The following ADAM22 variants were observed in gnomAD, a reference collection of about 807,000 sequenced individuals.
The protein encoded by ADAM22 is disintegrin and metalloproteinase domain-containing protein 22.
A neutral mutation model predicts 144.6 loss-of-function variants in ADAM22; 65 were observed. The ratio of observed to expected loss-of-function variants is 0.45; its 90% confidence interval spans 0.37 to 0.55. The LOEUF is 0.55. Among genes scored for constraint, ADAM22 ranks in the 20% least tolerant of loss-of-function variants. ADAM22 has a pLI of 0.00. For synonymous variants in ADAM22, 391 were observed against 412.6 expected (o/e 0.95, Z 0.63); for missense variants, 974 against 1,184.9 (o/e 0.82, Z 2.61).
At chr7:87,936,317 A>G (rs1197562788) in intron 2 of ADAM22, among the ~76,000 whole-genome samples, 1 of 152,122 alleles carries the variant, frequency 6.6e-6, no homozygotes, top group Admixed American at 6.5e-5. Flanking sequence ...GCTTTTAATG[A>G]TGGATTCTTT....
intron 14 of ADAM22, 82 bp from the exon 15 acceptor site, chr7:88,142,944 A>C (rs1316864106): frequency 1.2e-6 from 1 of 814,502 alleles, no homozygotes; most frequent in Admixed American, 2.1e-5. Context: ...AGTAATATAC[A>C]ATTTTAAGTC....
intron 4 of ADAM22, among the ~76,000 whole-genome samples, chr7:88,088,864 A>T (rs948569851): frequency 6.6e-6 from 1 of 152,228 alleles, no homozygotes; most frequent in African/African-American, 2.4e-5. Context: ...TCCTTTTGTA[A>T]GTGAAATATA....
chr7:88,139,118 G>T (rs1039645161), intron 14 of ADAM22, among the ~76,000 whole-genome samples: 3 of 152,138 alleles, frequency 2.0e-5, no homozygotes, highest in Non-Finnish European at 2.9e-5. Context: ...TGACCAGTAG[G>T]ATAAAGAGGG....
chr7:87,935,486 G>A (rs1841029066), intron 2 of ADAM22, among the ~76,000 whole-genome samples: 1 of 152,194 alleles, frequency 6.6e-6, no homozygotes, highest in Non-Finnish European at 1.5e-5. Flanking sequence ...GCAAAAGCCA[G>A]GCATGCACAG....
intron 3 of ADAM22, among the ~76,000 whole-genome samples, chr7:88,056,504 C>T (rs1808295207): frequency 6.6e-6 from 1 of 152,118 alleles, no homozygotes; most frequent in African/African-American, 2.4e-5. Context: ...AATGAAGACA[C>T]TGTTTTTCCT....
Position 88,055,876 on chromosome 7 carries a change from A to G in ADAM22, c.324-19750A>G, listed in dbSNP as rs188222755. Among the ~76,000 whole-genome samples the G allele has an allele frequency of 2.8e-3, 423 of 152,208 alleles. 6 individuals are homozygous for G. Among genetic ancestry groups the G allele is most frequent in the African/African-American group, 9.6e-3 (400 of 41,526 alleles). On this transcript the variant is annotated intron_variant, in intron 3 of 31. Transcript: ENST00000413139. ...ACATCTTTTGGCTATCTCTCCTTGAACTGTGGTAACCAAGTTTTCTTATCT... is the reference window on the plus strand; with the variant it reads ...ACATCTTTTGGCTATCTCTCCTTGAGCTGTGGTAACCAAGTTTTCTTATCT...
At chr7:87,955,976 CG>C (rs1159473249) in intron 2 of ADAM22, among the ~76,000 whole-genome samples, 1 of 152,196 alleles carries the variant, frequency 6.6e-6, no homozygotes, top group African/African-American at 2.4e-5. Context: ...CTAAGCCCAT[CG>C]GAAAAGCGCA....
chr7:88,124,125 G>A (rs1829892867), intron 7 of ADAM22, among the ~76,000 whole-genome samples: 1 of 151,686 alleles, frequency 6.6e-6, no homozygotes, highest in Non-Finnish European at 1.5e-5. Flanking sequence ...TGCCAACTTA[G>A]TTAAATTGGT....
At chr7:88,153,198 T>C (rs375949659) in intron 20 of ADAM22, 23 bp from the exon 21 acceptor site, 1 of 1,582,390 alleles carries the variant, frequency 6.3e-7, no homozygotes, top group Non-Finnish European at 8.6e-7. Context: ...CCCTCACTGA[T>C]AGAAAATTTT....
chr7:88,060,027 T>TAC (rs1809351184), intron 3 of ADAM22, among the ~76,000 whole-genome samples: 1 of 152,204 alleles, frequency 6.6e-6, no homozygotes, highest in Non-Finnish European at 1.5e-5. Context: ...ATACTGTGTT[T>TAC]ACACTATATT....
chr7:88,160,812 G>A (rs1841396367), intron 22 of ADAM22, among the ~76,000 whole-genome samples: 1 of 152,110 alleles, frequency 6.6e-6, no homozygotes, highest in Admixed American at 6.6e-5. Context: ...CATGTCCTTT[G>A]TAGGGACATG....
intron 3 of ADAM22, among the ~76,000 whole-genome samples, chr7:88,001,145 A>G (rs948147178): frequency 6.6e-6 from 1 of 152,242 alleles, no homozygotes; most frequent in Admixed American, 6.5e-5. Flanking sequence ...GGAAAATAGT[A>G]TACAGGTTAA....
chr7:88,007,111 G>GACAA (rs1794100963), intron 3 of ADAM22, among the ~76,000 whole-genome samples: 1 of 151,570 alleles, frequency 6.6e-6, no homozygotes, highest in Non-Finnish European at 1.5e-5. Flanking sequence ...ACCAATAACA[G>GACAA]ACAGAGAGTG....
At chr7:88,070,636 G>A (rs1009536973) in intron 3 of ADAM22, among the ~76,000 whole-genome samples, 4 of 152,160 alleles carry the variant, frequency 2.6e-5, no homozygotes, top group Admixed American at 2.6e-4. Context: ...TGATCACTTG[G>A]TTAAGGTGAT....
At chr7:87,935,301 TC>T (rs1296957439) in intron 2 of ADAM22, 115 bp downstream of exon 2, 3 of 1,225,606 alleles carry the variant, frequency 2.4e-6, no homozygotes, top group Non-Finnish European at 3.3e-6. Context: ...ATGAGTTGGG[TC>T]CCGATGCGAG....
intron 2 of ADAM22, among the ~76,000 whole-genome samples, chr7:87,936,883 G>C (rs1841368705): frequency 6.6e-6 from 1 of 151,298 alleles, no homozygotes; most frequent in African/African-American, 2.4e-5. Context: ...GAGAGAGAGA[G>C]TATATTTAGA....
intron 4 of ADAM22, among the ~76,000 whole-genome samples, chr7:88,106,751 C>T (rs1041821947): frequency 1.3e-5 from 2 of 152,138 alleles, no homozygotes; most frequent in Non-Finnish European, 1.5e-5. Flanking sequence ...TACAGATTCT[C>T]TACAGTAGGT....
At chr7:88,076,756 T>TGTA (rs1814635724) in intron 4 of ADAM22, among the ~76,000 whole-genome samples, 1 of 152,224 alleles carries the variant, frequency 6.6e-6, no homozygotes, top group African/African-American at 2.4e-5. Flanking sequence ...GCCACCCAAG[T>TGTA]GTAGGGCTTC....
At chr7:88,082,787 G>A (rs2129483301) in intron 4 of ADAM22, among the ~76,000 whole-genome samples, 1 of 152,170 alleles carries the variant, frequency 6.6e-6, no homozygotes, top group African/African-American at 2.4e-5. Context: ...ACCACAATGA[G>A]ATACCATCTC....
Sources: allele counts gnomAD v4.1 joint callset (sites outside exome capture counted in the v4.1 genomes callset), GRCh38; gene constraint gnomAD v4.1.1; transcripts MANE v1.5; gene names NCBI Gene and HGNC (gene_info 2026-07-23, HGNC 2026-07-21).